The following SLC26A5 variants were observed in gnomAD, a reference collection of about 807,000 sequenced individuals.
SLC26A5 encodes the protein solute carrier family 26 member 5.
A neutral mutation model predicts 81.0 loss-of-function variants in SLC26A5; 51 were observed. The ratio of observed to expected loss-of-function variants is 0.63; its 90% CI spans 0.50 to 0.80. SLC26A5 has a LOEUF of 0.80. SLC26A5 is among the 30% of genes least tolerant of loss of function. The pLI is 0.00. For synonymous variants in SLC26A5, 325 were observed against 332.8 expected, an observed-to-expected ratio of 0.98 and a Z score of 0.25; for missense variants, 771 against 905.8, an observed-to-expected ratio of 0.85 and a Z score of 1.91.
At chr7:103,371,920 T>C (rs891687093), downstream of SLC26A5, among the ~76,000 whole-genome samples, 7 of 150,748 alleles carry the variant, frequency 4.6e-5, no homozygotes, top group South Asian at 2.1e-4. Context: ...TGGTCTTGAA[T>C]TCCTGACCTT....
chr7:103,409,928 C>T (rs777411080), intron 7 of SLC26A5, among the ~76,000 whole-genome samples: 7 of 152,204 alleles, frequency 4.6e-5, no homozygotes, highest in Middle Eastern at 3.4e-3. Flanking sequence ...AGGATAGTCT[C>T]GATCTCCTGA....
intron 2 of SLC26A5, among the ~76,000 whole-genome samples, chr7:103,435,533 T>C (rs1826386696): frequency 6.6e-6 from 1 of 152,196 alleles, no homozygotes. Flanking sequence ...TAGTTATACT[T>C]TGGGTGAAGA....
chr7:103,395,519 ATAAAT>A (rs1563537979), intron 9 of SLC26A5, among the ~76,000 whole-genome samples: 5 of 10,088 alleles, frequency 5.0e-4, no homozygotes, highest in Non-Finnish European at 8.5e-4. Flanking sequence ...ATATATATAT[ATAAAT>A]TTTTTTTTTT....
chr7:103,411,523 A>G lies in SLC26A5; in HGVS notation c.467T>C (p.Ile156Thr). 1 of 1,614,164 alleles carries G rather than the reference A, an allele frequency of 6.2e-7. No individual in the cohort carries two copies. The change falls in exon 6 of 20, where the codon ATA (isoleucine) becomes ACA (threonine). Residue 156 changes from isoleucine (I) to threonine (T), a missense_variant. Transcript: ENST00000306312. Reference sequence around the variant, plus strand: ...TGCATTTACTCCTCCTGGAATGACTATATCATCTGGTACTAATCGAACAGC... The same window carrying G: ...TGCATTTACTCCTCCTGGAATGACTGTATCATCTGGTACTAATCGAACAGC... Reference protein sequence around the residue: ...GVAVRLVPDDIVIPGGVNATN... With the variant: ...GVAVRLVPDDTVIPGGVNATN...
intron 7 of SLC26A5, among the ~76,000 whole-genome samples, chr7:103,409,937 G>C (rs1396511742): frequency 6.6e-6 from 1 of 152,104 alleles, no homozygotes; most frequent in East Asian, 1.9e-4. Context: ...TCGATCTCCT[G>C]ACCTCGTGAT....
At chr7:103,391,892 T>G (rs1822690812) in intron 10 of SLC26A5, among the ~76,000 whole-genome samples, 157 bp from the exon 11 acceptor site, 1 of 152,220 alleles carries the variant, frequency 6.6e-6, no homozygotes. Flanking sequence ...AAAATAGGAA[T>G]TATGGCATAT....
At chr7:103,420,951 T>A in intron 3 of SLC26A5, 74 bp from the exon 4 acceptor site, 1 of 1,489,618 alleles carries the variant, frequency 6.7e-7, no homozygotes, top group Non-Finnish European at 9.3e-7. Flanking sequence ...CCAAAGCATT[T>A]TCCCTTCCTT....
At chr7:103,393,274 T>C (rs1241375812) in intron 9 of SLC26A5, among the ~76,000 whole-genome samples, 2 of 152,212 alleles carry the variant, frequency 1.3e-5, no homozygotes, top group African/African-American at 4.8e-5. Flanking sequence ...AGTGCAGCTT[T>C]CTACCTGGAT....
chr7:103,407,616 T>C (rs1586308502), intron 8 of SLC26A5, among the ~76,000 whole-genome samples: 1 of 151,132 alleles, frequency 6.6e-6, no homozygotes, highest in African/African-American at 2.5e-5. Flanking sequence ...TTGTAATTAA[T>C]GTTAAAATTT....
intron 14 of SLC26A5, among the ~76,000 whole-genome samples, chr7:103,381,322 CCA>C (rs1055514133): frequency 2.6e-5 from 4 of 151,402 alleles, no homozygotes; most frequent in East Asian, 1.9e-4. Context: ...TGCATGTACA[CCA>C]CACACACATA....
chr7:103,392,702 C>T (rs371859337), intron 10 of SLC26A5, among the ~76,000 whole-genome samples: 2 of 152,294 alleles, frequency 1.3e-5, no homozygotes, highest in African/African-American at 2.4e-5. Context: ...CTCAGCCTCC[C>T]GAGTAGCTGG....
At chr7:103,413,261 A>T (rs567925444) in intron 4 of SLC26A5, 149 bp from the exon 5 acceptor site, 1 of 678,040 alleles carries the variant, frequency 1.5e-6, no homozygotes, top group Non-Finnish European at 2.7e-6. Flanking sequence ...CCTGCACATC[A>T]TCTTACCTTG....
intron 2 of SLC26A5, among the ~76,000 whole-genome samples, chr7:103,434,528 C>G (rs1008619754): frequency 6.6e-6 from 1 of 151,998 alleles, no homozygotes; most frequent in Non-Finnish European, 1.5e-5. Flanking sequence ...CTTTTATTTT[C>G]TTTGTTTTCT....
At chr7:103,418,273 C>T (rs17142816) in intron 4 of SLC26A5, among the ~76,000 whole-genome samples, 30,334 of 152,194 alleles carry the variant, frequency 0.2, 3,162 homozygotes, top group East Asian at 0.31. Flanking sequence ...TCTTTCCATT[C>T]TTACAGCCAC....
chr7:103,424,100 G>A (rs1825550484), intron 2 of SLC26A5, among the ~76,000 whole-genome samples: 1 of 152,138 alleles, frequency 6.6e-6, no homozygotes, highest in Non-Finnish European at 1.5e-5. Flanking sequence ...AACATACCAT[G>A]CTGCTTTAAG....
intron 9 of SLC26A5, 121 bp downstream of exon 9, chr7:103,397,811 T>A: frequency 1.3e-6 from 1 of 760,744 alleles, no homozygotes; most frequent in African/African-American, 1.7e-5. Flanking sequence ...CCTAAAGCCC[T>A]CAGCTATTTG....
At chr7:103,379,481 A>C in intron 15 of SLC26A5, 146 bp from the exon 16 acceptor site, 3 of 462,670 alleles carry the variant, frequency 6.5e-6, no homozygotes, top group African/African-American at 2.0e-5. Flanking sequence ...TCACACACAG[A>C]CCAAAAAAAA....
At chr7:103,361,510 C>CAAAAAAAAA (rs759044767) in intron 19 of SLC26A5, among the ~76,000 whole-genome samples, 24 of 51,060 alleles carry the variant, frequency 4.7e-4, no homozygotes, top group African/African-American at 1.1e-3. Context: ...AACTCCATCT[C>CAAAAAAAAA]AAAAAAAAAA....
At position 103,367,350 on chromosome 7, in the gene SLC26A5, G is replaced by A. The variant is rs1820769490; in HGVS notation, c.2041+9458C>T. ...TGAGCTGAGATTTTTGGTACTTTCAGGTCATGCATAGTGCTACTCTTGAGT... is the reference window on the plus strand; with the variant it reads ...TGAGCTGAGATTTTTGGTACTTTCAAGTCATGCATAGTGCTACTCTTGAGT... On this transcript the variant is annotated intron_variant, in intron 19 of 19. Transcript: ENST00000339444. The surrounding 1 kb of genome is among the most constrained non-coding windows in gnomAD (Gnocchi z 6.1). 1.0e-5 allele frequency: 16 copies of A among 1,525,332 alleles called. No individual in the cohort carries two copies. In the South Asian group the frequency reaches 1.7e-4, roughly 16 times the overall value. The allele number at this position is 1,525,332 out of a possible 1,614,324, so 94.5% of individuals were successfully genotyped here.
Sources: gnomAD v4.1 joint callset for allele counts (sites outside exome capture counted in the v4.1 genomes callset) on GRCh38, gnomAD v4.1.1 for gene constraint, Gnocchi (gnomAD v3.1) non-coding constraint, MANE v1.5 for transcripts, NCBI Gene and HGNC (gene_info 2026-07-23, HGNC 2026-07-21) for gene names.